STARD9: variants seen among roughly 807,000 people sequenced by gnomAD.
STARD9 encodes stAR-related lipid transfer protein 9.
A neutral mutation model predicts 399.8 loss-of-function variants in STARD9; 346 were observed. That is an observed-to-expected ratio of 0.87 (90% confidence interval 0.79 to 0.95). STARD9 has a LOEUF of 0.95. Among genes scored for constraint, STARD9 ranks in the 40% least tolerant of loss-of-function variants. STARD9 has a pLI of 0.00. For missense variants in STARD9, 5,832 were observed against 5,667.5 expected, an observed-to-expected ratio of 1.03 and a Z score of -0.93; for synonymous variants, 2,203 against 2,143.5, an observed-to-expected ratio of 1.03 and a Z score of -0.77.
At chr15:42,639,340 G>T (rs1325611832) in intron 7 of STARD9, among the ~76,000 whole-genome samples, 2 of 152,156 alleles carry the variant, frequency 1.3e-5, no homozygotes, top group Non-Finnish European at 2.9e-5. Context: ...CGCCCAATAT[G>T]GCATGGCCTC....
Position 42,688,686 on chromosome 15 carries a change from C to T in STARD9, c.7108C>T (p.His2370Tyr), listed in dbSNP as rs1366555640. ...CVLDLTMLKI[H>Y]NSPLVTGVEH... is the part of the protein sequence containing the mutation. ...GCTGGATCTCACAATGTTGAAAATT[C>T]ATAACAGTCCCTTGGTAACTGGAGT... is the stretch of plus-strand genomic sequence containing the variant. The change falls in exon 23 of 33, where the codon CAT becomes TAT. Residue 2370 changes from histidine (H) to tyrosine (Y), a missense_variant. By Grantham distance (83) the His-to-Tyr change is moderately conservative. Transcript: ENST00000290607. 6.5e-7 allele frequency: 1 copy of T among 1,537,670 alleles called. No homozygotes were observed. The highest frequency in any genetic ancestry group is 8.7e-7 in the Non-Finnish European group (1 of 1,147,012).
chr15:42,634,598 A>G (rs375327583), intron 3 of STARD9, among the ~76,000 whole-genome samples: 72 of 152,296 alleles, frequency 4.7e-4, no homozygotes, highest in East Asian at 2.7e-3. Flanking sequence ...TTTAGAGACC[A>G]TATTACTTTT....
intron 3 of STARD9, among the ~76,000 whole-genome samples, chr15:42,589,701 G>A (rs1231239213): frequency 1.3e-5 from 2 of 151,820 alleles, no homozygotes; most frequent in Middle Eastern, 3.4e-3. Flanking sequence ...CCACCTTCTG[G>A]TTTCAAGTGA....
At position 42,634,905 on chromosome 15, in the gene STARD9, A is replaced by G. The variant is rs1478130037; in HGVS notation, c.284A>G (p.Tyr95Cys). ...MEVLSGVAKG[Y>C]NICLFAYGQT... The stretch of plus-strand genomic sequence containing the variant: ...GTACTGTCTGGAGTTGCCAAAGGCT[A>G]TAACATATGCCTTTTTGCTTATGGA... Residue 95 changes from tyrosine (Y) to cysteine (C), a missense_variant, in exon 4 of 33, where the codon TAT becomes TGT. Transcript: ENST00000290607. 1.2e-5 allele frequency: 18 copies of G among 1,536,938 alleles called. No individual in the cohort carries two copies. The Admixed American group carries it at 2.6e-4, about 22-fold the overall frequency.
intron 3 of STARD9, among the ~76,000 whole-genome samples, chr15:42,588,593 C>G (rs1044016351): frequency 1.3e-5 from 2 of 151,960 alleles, no homozygotes; most frequent in African/African-American, 4.8e-5. Flanking sequence ...TGGCAGGACT[C>G]ATATCTACAT....
At chr15:42,639,174 G>A (rs2059484027) in intron 7 of STARD9, among the ~76,000 whole-genome samples, 1 of 152,248 alleles carries the variant, frequency 6.6e-6, no homozygotes, top group African/African-American at 2.4e-5. Flanking sequence ...GTATAGTCGT[G>A]TGAAGAATGA....
chr15:42,700,076 G>A (rs2060933870), intron 26 of STARD9, among the ~76,000 whole-genome samples: 1 of 152,158 alleles, frequency 6.6e-6, no homozygotes, highest in Non-Finnish European at 1.5e-5. Flanking sequence ...TTAGTATAAT[G>A]TCCCTGGGTT....
intron 9 of STARD9, among the ~76,000 whole-genome samples, chr15:42,653,881 A>C (rs1406381048): frequency 6.6e-6 from 1 of 152,196 alleles, no homozygotes; most frequent in East Asian, 1.9e-4. Flanking sequence ...ATAAAACCAC[A>C]ATTGTAACAA....
chr15:42,709,267 G>A (rs1442428196), intron 26 of STARD9, among the ~76,000 whole-genome samples: 1 of 152,146 alleles, frequency 6.6e-6, no homozygotes, highest in East Asian at 1.9e-4. Context: ...GGTGGTGCAT[G>A]CCTGTGGTCC....
chr15:42,638,421 C>T lies in STARD9; in HGVS notation c.447-279C>T, dbSNP rs866021697. On this transcript the variant is annotated intron_variant, in intron 6 of 32. Coordinates refer to ENST00000290607, the MANE Select transcript of STARD9 (RefSeq NM_020759.3). Reference sequence around the variant, plus strand: ...AAGAAACAACCTCTGTGGCTGGGTGCGGTGAATCTGGGAGGCGGAGGTTGC... The same window carrying T: ...AAGAAACAACCTCTGTGGCTGGGTGTGGTGAATCTGGGAGGCGGAGGTTGC... Among the ~76,000 whole-genome samples, 4 of 152,122 alleles carry T rather than the reference C, an allele frequency of 2.6e-5. No homozygotes were observed. In the South Asian group the frequency reaches 6.2e-4, roughly 24 times the overall value.
At chr15:42,694,393 AAG>A in intron 23 of STARD9, 51 bp downstream of exon 23, 1 of 1,534,272 alleles carries the variant, frequency 6.5e-7, no homozygotes, top group Non-Finnish European at 8.7e-7. Context: ...GCTGTGAGGA[AAG>A]AGAACCCAAG....
At chr15:42,682,003 A>T in intron 21 of STARD9, 101 bp from the exon 22 acceptor site, 1 of 789,198 alleles carries the variant, frequency 1.3e-6, no homozygotes, top group Non-Finnish European at 2.0e-6. Flanking sequence ...CAGCTCTTTC[A>T]CTCCACACAG....
chr15:42,689,564 T>C lies in STARD9; in HGVS notation c.7986T>C (p.Pro2662=). 1 of 1,537,332 alleles carries C rather than the reference T, an allele frequency of 6.5e-7. No homozygotes were observed. The highest frequency in any genetic ancestry group is 8.7e-7 in the Non-Finnish European group (1 of 1,146,928). The change falls in exon 23 of 33, where the codon CCT becomes CCC. Residue 2662 remains proline, a synonymous_variant. Transcript: ENST00000290607. ...AAACTGACAGAGAGCCATGGGATCCTGTGCAGGCTTTCTCCCATGCTGCTC... is the reference window on the plus strand; with the variant it reads ...AAACTGACAGAGAGCCATGGGATCCCGTGCAGGCTTTCTCCCATGCTGCTC... ...NTETDREPWD[P]VQAFSHAAPA... is the part of the protein sequence containing the mutation.
chr15:42,704,075 T>A (rs1045414029), intron 26 of STARD9, among the ~76,000 whole-genome samples: 1 of 151,600 alleles, frequency 6.6e-6, no homozygotes, highest in Non-Finnish European at 1.5e-5. Context: ...GCCCGGCTAA[T>A]TTTTTTTGTA....
chr15:42,576,345 C>G (rs370428750), intron 1 of STARD9, among the ~76,000 whole-genome samples: 3 of 152,132 alleles, frequency 2.0e-5, no homozygotes, highest in South Asian at 2.1e-4. Flanking sequence ...CCTCAGTGCC[C>G]GTTTTCTCGT....
At chr15:42,716,531 G>T in intron 26 of STARD9, 146 bp from the exon 27 acceptor site, 1 of 611,518 alleles carries the variant, frequency 1.6e-6, no homozygotes, top group Non-Finnish European at 2.9e-6. Flanking sequence ...TCTTCTTTGG[G>T]GGACATCGAG....
At position 42,693,498 on chromosome 15, in the gene STARD9, A is replaced by G. The variant is rs767424561; in HGVS notation, c.11920A>G (p.Arg3974Gly). The G allele has an allele frequency of 2.3e-5, 35 of 1,537,150 alleles. No homozygotes were observed. The African/African-American group carries it at 4.2e-4, about 19-fold the overall frequency. The change falls in exon 23 of 33, where the codon AGA becomes GGA. Residue 3974 changes from arginine to glycine, a missense_variant. Arg to Gly is a moderately radical substitution (Grantham distance 125). Transcript: ENST00000290607. Reference sequence around the variant, plus strand: ...AAGTTCCTTACAAAGGAGTAATGGGAGATCCTTCCTTGAGTTGCACTCCCC... The same window carrying G: ...AAGTTCCTTACAAAGGAGTAATGGGGGATCCTTCCTTGAGTTGCACTCCCC... Reference protein sequence around the residue: ...GRSSLQRSNGRSFLELHSPHS... With the variant: ...GRSSLQRSNGGSFLELHSPHS...
chr15:42,688,231 G>A lies in STARD9; in HGVS notation c.6653G>A (p.Arg2218Lys), dbSNP rs1259436849. ...RALPLQPRLE[R>K]SSKNNGQFVK... ...CTGCCATTGCAACCCAGGCTAGAGA[G>A]GTCTTCTAAGAATAATGGCCAGTTT... Residue 2218 changes from arginine (R) to lysine (K), a missense_variant, in exon 23 of 33, where the codon AGG becomes AAG. Transcript: ENST00000290607. 2.0e-6 allele frequency: 3 copies of A among 1,537,438 alleles called. No individual in the cohort carries two copies. Among genetic ancestry groups the A allele is most frequent in the Non-Finnish European group, 2.6e-6 (3 of 1,147,026 alleles).
chr15:42,689,593 C>T lies in STARD9; in HGVS notation c.8015C>T (p.Ala2672Val). ...PVQAFSHAAPAQDRKRRTGEL... is the reference protein window; with the variant it reads ...PVQAFSHAAPVQDRKRRTGEL... ...CAGGCTTTCTCCCATGCTGCTCCTGCTCAAGACAGGAAACGTCGTACTGGA... is the reference window on the plus strand; with the variant it reads ...CAGGCTTTCTCCCATGCTGCTCCTGTTCAAGACAGGAAACGTCGTACTGGA... Residue 2672 changes from alanine (A) to valine (V), a missense_variant, in exon 23 of 33, where the codon GCT becomes GTT. Coordinates refer to ENST00000290607, the MANE Select transcript of STARD9 (RefSeq NM_020759.3). 1 of 1,537,362 alleles carries T rather than the reference C, an allele frequency of 6.5e-7. No individual in the cohort carries two copies. The highest frequency in any genetic ancestry group is 8.7e-7 in the Non-Finnish European group (1 of 1,146,920).
Sources: allele counts gnomAD v4.1 joint callset (sites outside exome capture counted in the v4.1 genomes callset), GRCh38; gene constraint gnomAD v4.1.1; transcripts MANE v1.5; gene names NCBI Gene and HGNC (gene_info 2026-07-23, HGNC 2026-07-21).